The following ABLIM1 variants were observed in gnomAD, a reference collection of about 807,000 sequenced individuals.
ABLIM1 encodes actin-binding LIM protein 1.
In ABLIM1, 40 loss-of-function variants were observed where a neutral mutation model predicts 107.0. The observed-to-expected ratio is 0.37, with a 90% confidence interval of 0.29 to 0.49. The LOEUF (loss-of-function observed/expected upper bound fraction) is 0.49. Ranked by LOEUF, ABLIM1 falls within the 20% of genes least tolerant of loss-of-function variation. ABLIM1 has a pLI of 0.97. For missense variants in ABLIM1, 857 were observed against 1,008.5 expected, an observed-to-expected ratio of 0.85 and a Z score of 2.04; for synonymous variants, 357 against 357.3, an observed-to-expected ratio of 1.00 and a Z score of 0.01.
intron 2 of ABLIM1, among the ~76,000 whole-genome samples, chr10:114,586,419 A>ACAGGAATAATTAAAGGGTTGGGAAGGAG (rs2074199998): frequency 6.6e-6 from 1 of 152,230 alleles, no homozygotes; most frequent in Non-Finnish European, 1.5e-5. Flanking sequence ...CAGGGTAACA[A>ACAGGAATAATTAAAGGGTTGGGAAGGAG]CAGGAATAAT....
At chr10:114,775,013 T>G in the ABLIM1 span, among the ~76,000 whole-genome samples, 1 of 152,136 alleles carries the variant, frequency 6.6e-6, no homozygotes, top group South Asian at 2.1e-4. Flanking sequence ...GAAACAGGTT[T>G]AATTGACTCA....
At chr10:114,786,308 A>G in the ABLIM1 span, among the ~76,000 whole-genome samples, 21,674 of 152,126 alleles carry the variant, frequency 0.14, 2,036 homozygotes, top group East Asian at 0.45. Context: ...TGAGGGGAAA[A>G]GACCCCATTT....
the ABLIM1 span, among the ~76,000 whole-genome samples, chr10:114,787,239 C>G: frequency 6.7e-6 from 1 of 148,812 alleles, no homozygotes; most frequent in Non-Finnish European, 1.5e-5. Context: ...GTCTGAGAAG[C>G]GAGGAGCCTC....
At chr10:114,773,382 C>T in the ABLIM1 span, among the ~76,000 whole-genome samples, 1 of 152,102 alleles carries the variant, frequency 6.6e-6, no homozygotes, top group Non-Finnish European at 1.5e-5. Context: ...AGGATAAAAG[C>T]CATGAGACAA....
At chr10:114,725,686 C>G (rs1232238673) in intron 1 of ABLIM1, among the ~76,000 whole-genome samples, 1 of 151,112 alleles carries the variant, frequency 6.6e-6, no homozygotes, top group Non-Finnish European at 1.5e-5. Context: ...ATTGCGGTTT[C>G]TACCGTTCAC....
intron 1 of ABLIM1, among the ~76,000 whole-genome samples, chr10:114,728,303 G>A (rs2082000881): frequency 6.6e-6 from 1 of 152,050 alleles, no homozygotes; most frequent in Admixed American, 6.6e-5. Context: ...CTCTGAAGAG[G>A]AAAATTTTAA....
chr10:114,477,375 T>A (rs2056617396), intron 8 of ABLIM1, among the ~76,000 whole-genome samples: 1 of 152,142 alleles, frequency 6.6e-6, no homozygotes, highest in South Asian at 2.1e-4. Flanking sequence ...TGTCTTCGGT[T>A]ACTGGGGTTG....
intron 10 of ABLIM1, among the ~76,000 whole-genome samples, chr10:114,471,106 C>T (rs1051740998): frequency 1.3e-5 from 2 of 152,226 alleles, no homozygotes; most frequent in African/African-American, 4.8e-5. Flanking sequence ...CCAGGCTGGT[C>T]TCAAACTCTT....
intron 1 of ABLIM1, chr10:114,690,347 C>A: frequency 6.2e-7 from 1 of 1,604,846 alleles, no homozygotes; most frequent in South Asian, 1.1e-5. Context: ...TTGCCATGGA[C>A]AAGATGCCAG....
At chr10:114,737,212 T>C (rs2142233492) in intron 1 of ABLIM1, among the ~76,000 whole-genome samples, 1 of 152,286 alleles carries the variant, frequency 6.6e-6, no homozygotes, top group South Asian at 2.1e-4. Flanking sequence ...TAACCCCAGC[T>C]ACTCCAAAGG....
chr10:114,748,821 T>G (rs543067414), intron 1 of ABLIM1, among the ~76,000 whole-genome samples: 391 of 152,092 alleles, frequency 2.6e-3, no homozygotes, highest in Non-Finnish European at 4.4e-3. Context: ...CACACCCAGC[T>G]AATTTTATTT....
chr10:114,469,604 T>C (rs1365599143), intron 10 of ABLIM1, among the ~76,000 whole-genome samples: 1 of 152,256 alleles, frequency 6.6e-6, no homozygotes, highest in Non-Finnish European at 1.5e-5. Context: ...GCTTTCTCTT[T>C]ACTCTGCTTC....
chr10:114,556,995 T>C (rs372662955), intron 4 of ABLIM1, among the ~76,000 whole-genome samples: 18 of 152,328 alleles, frequency 1.2e-4, no homozygotes, highest in African/African-American at 4.1e-4. Flanking sequence ...GCTTCTGAAA[T>C]TCTATGCTGC....
chr10:114,511,209 C>T (rs979765166), intron 6 of ABLIM1, among the ~76,000 whole-genome samples: 4 of 151,864 alleles, frequency 2.6e-5, no homozygotes, highest in East Asian at 1.9e-4. Flanking sequence ...AACTAGTATA[C>T]AAAAAATGTA....
chr10:114,481,690 G>A (rs2057399076), intron 8 of ABLIM1, among the ~76,000 whole-genome samples: 1 of 152,178 alleles, frequency 6.6e-6, no homozygotes. Context: ...TTTCACAAAT[G>A]CCATCAGCCG....
intron 1 of ABLIM1, among the ~76,000 whole-genome samples, chr10:114,712,357 A>G (rs1282254394): frequency 2.3e-5 from 3 of 132,042 alleles, no homozygotes; most frequent in African/African-American, 8.1e-5. Flanking sequence ...CGTCTCGAAA[A>G]AAAAAAAAAA....
chr10:114,463,020 T>C (rs1200978890), intron 12 of ABLIM1: 4 of 1,316,606 alleles, frequency 3.0e-6, no homozygotes, highest in Middle Eastern at 2.3e-4. Context: ...TGCAGGGTGC[T>C]GCCTGGAGAA....
intron 1 of ABLIM1, among the ~76,000 whole-genome samples, chr10:114,725,666 T>C (rs2081942440): frequency 1.3e-5 from 2 of 151,850 alleles, no homozygotes; most frequent in African/African-American, 4.8e-5. Context: ...ATCAGGTTGG[T>C]GCAAAACTAA....
intron 8 of ABLIM1, among the ~76,000 whole-genome samples, chr10:114,482,952 GA>G (rs749716380): frequency 1.3e-5 from 2 of 151,156 alleles, no homozygotes; most frequent in East Asian, 1.9e-4. Context: ...GAAAAAATAA[GA>G]AAAAAAAACT....
Sources: gnomAD v4.1 joint callset for allele counts (sites outside exome capture counted in the v4.1 genomes callset) on GRCh38, gnomAD v4.1.1 for gene constraint, MANE v1.5 for transcripts, NCBI Gene and HGNC (gene_info 2026-07-23, HGNC 2026-07-21) for gene names.